MYO9B: variants seen among roughly 807,000 people sequenced by gnomAD.
The protein encoded by MYO9B is unconventional myosin-IXb.
In MYO9B, 71 loss-of-function variants were observed where a neutral mutation model predicts 229.5. The observed-to-expected ratio is 0.31, with a 90% CI of 0.26 to 0.38. The LOEUF (loss-of-function observed/expected upper bound fraction) is 0.38, where lower values mean the gene tolerates loss of function less well. MYO9B is among the 10% of genes least tolerant of loss of function. MYO9B has a pLI of 1.00. For synonymous variants in MYO9B, 1,185 were observed against 1,235.8 expected, an observed-to-expected ratio of 0.96 and a Z score of 0.86; for missense variants, 2,255 against 2,920.5, an observed-to-expected ratio of 0.77 and a Z score of 5.25.
In MYO9B at chr19:17,193,114, C is replaced by A; in HGVS notation, c.3128+52C>A. 7.1e-6 allele frequency: 10 copies of A among 1,417,100 alleles called. No homozygotes were observed. Among genetic ancestry groups the A allele is most frequent in the Non-Finnish European group, 9.2e-6 (10 of 1,085,198 alleles). The allele number at this position is 1,417,100 out of a possible 1,614,324, so 87.8% of individuals were successfully genotyped here. A position where few individuals can be genotyped will look rare whatever the true frequency, so the allele number is the denominator to read the frequency against. On this transcript the variant is annotated intron_variant, in intron 21 of 39. Transcript: ENST00000682292. This position sits in a 1 kb window ranked among gnomAD's most constrained non-coding sequence, Gnocchi z 4.3. Reference sequence around the variant, plus strand: ...GGAATATTCCAGAAGCCAAAAAGGTCACTCACCAAATTGCTGCCCGTGATA... The same window carrying A: ...GGAATATTCCAGAAGCCAAAAAGGTAACTCACCAAATTGCTGCCCGTGATA...
At chr19:17,110,197 G>A (rs1033865016) in intron 2 of MYO9B, among the ~76,000 whole-genome samples, 2 of 152,218 alleles carry the variant, frequency 1.3e-5, no homozygotes, top group African/African-American at 4.8e-5. Context: ...CCCCGCGAGG[G>A]TTGCAGCCTC....
intron 3 of MYO9B, among the ~76,000 whole-genome samples, chr19:17,148,827 G>A (rs553627585): frequency 1.0e-4 from 15 of 148,842 alleles, no homozygotes; most frequent in African/African-American, 3.0e-4. Context: ...CAAGTGATCC[G>A]CCTGCCTCGG....
intron 1 of MYO9B, among the ~76,000 whole-genome samples, chr19:17,081,590 C>G (rs1600011772): frequency 6.6e-6 from 1 of 151,938 alleles, no homozygotes; most frequent in African/African-American, 2.4e-5. Context: ...GGGAGGATCA[C>G]CTAAGGTCAG....
chr19:17,178,303 G>A (rs562445703), intron 14 of MYO9B: 2 of 152,318 alleles, frequency 1.3e-5, no homozygotes, highest in Middle Eastern at 6.8e-3. Context: ...GCTAAAACAT[G>A]TGCTTTGAAC....
chr19:17,128,473 A>G (rs2072152384), intron 2 of MYO9B, among the ~76,000 whole-genome samples: 1 of 152,176 alleles, frequency 6.6e-6, no homozygotes, highest in Admixed American at 6.5e-5. Flanking sequence ...CCCAGCTCCC[A>G]GTGGCTGCCC....
At chr19:17,086,461 G>A (rs1247855583) in intron 1 of MYO9B, among the ~76,000 whole-genome samples, 2 of 152,156 alleles carry the variant, frequency 1.3e-5, no homozygotes, top group African/African-American at 4.8e-5. Context: ...ACCTTGGCCC[G>A]GCTCGTATTG....
At chr19:17,148,155 G>A (rs1028593566) in intron 3 of MYO9B, among the ~76,000 whole-genome samples, 4 of 152,156 alleles carry the variant, frequency 2.6e-5, no homozygotes, top group Admixed American at 6.6e-5. Flanking sequence ...TGACCCACAG[G>A]AAGCATTCAG....
chr19:17,207,807 T>C (rs1373986663), intron 35 of MYO9B: 2 of 152,100 alleles, frequency 1.3e-5, no homozygotes, highest in Non-Finnish European at 2.9e-5. Flanking sequence ...GGTCGGGAGT[T>C]CGAGACGAGC....
At chr19:17,164,663 T>A (rs1374367967) in intron 10 of MYO9B, among the ~76,000 whole-genome samples, 4 of 152,216 alleles carry the variant, frequency 2.6e-5, no homozygotes, top group Admixed American at 6.5e-5. Context: ...ATTATAGGCG[T>A]GAGCCACCGC....
At chr19:17,130,810 G>A (rs2072187246) in intron 2 of MYO9B, among the ~76,000 whole-genome samples, 1 of 151,820 alleles carries the variant, frequency 6.6e-6, no homozygotes, top group South Asian at 2.1e-4. Flanking sequence ...TGCCTACATA[G>A]GACGTTCAAC....
rs1182712399 is a variant in MYO9B, at chr19:17,200,320, T to C, written c.4266T>C (p.His1422=). Residue 1422 remains histidine (H), a synonymous_variant, in exon 25 of 40, where the codon CAT becomes CAC. Transcript: ENST00000682292. ...CCACGTTTAAGAGGCTTTTTCTGCATAAAACCAAGGATAAAAAATACAGCC... is the reference window on the plus strand; with the variant it reads ...CCACGTTTAAGAGGCTTTTTCTGCACAAAACCAAGGATAAAAAATACAGCC... ...SKSTFKRLFL[H]KTKDKKYSLE... 1.2e-6 allele frequency: 2 copies of C among 1,613,148 alleles called. No homozygotes were observed. Among genetic ancestry groups the C allele is most frequent in the Non-Finnish European group, 8.5e-7 (1 of 1,179,724 alleles).
At chr19:17,083,612 A>G (rs1218060042) in intron 1 of MYO9B, among the ~76,000 whole-genome samples, 3 of 150,016 alleles carry the variant, frequency 2.0e-5, no homozygotes, top group African/African-American at 4.9e-5. Flanking sequence ...GTCTGTCATC[A>G]TCTGACTGAC....
At chr19:17,133,458 T>C (rs1400478825) in intron 2 of MYO9B, among the ~76,000 whole-genome samples, 2 of 152,092 alleles carry the variant, frequency 1.3e-5, no homozygotes, top group African/African-American at 4.8e-5. Flanking sequence ...TATTCTACTT[T>C]CTACTTCCGT....
chr19:17,167,848 G>A lies in MYO9B; in HGVS notation c.1672-95G>A, dbSNP rs113842254. On this transcript the variant is annotated intron_variant, in intron 10 of 39. Coordinates refer to ENST00000682292, the MANE Select transcript of MYO9B (RefSeq NM_004145.4). Reference sequence around the variant, plus strand: ...CTATTTTGAAGCATTTCAGATTTTCGGATTAGGGATACTCGACCTGTATGC... The same window carrying A: ...CTATTTTGAAGCATTTCAGATTTTCAGATTAGGGATACTCGACCTGTATGC... The A allele has an allele frequency of 2.5e-4, 360 of 1,453,006 alleles. No homozygotes were observed. In the African/African-American group the frequency reaches 4.3e-3, roughly 17 times the overall value. The allele number at this position is 1,453,006 out of a possible 1,614,324, so 90.0% of individuals were successfully genotyped here.
At position 17,185,059 on chromosome 19, in the gene MYO9B, G is replaced by A. The variant is rs2072902414; in HGVS notation, c.2496+72G>A. 3.2e-5 allele frequency: 51 copies of A among 1,602,384 alleles called. No individual in the cohort carries two copies. The South Asian group carries it at 3.9e-4, about 12-fold the overall frequency. The stretch of plus-strand genomic sequence containing the variant: ...GGCTTGTGTAGCTTCACCCGACACC[G>A]AGCACAGCCCGTCTCTAGTAAAAAT... On this transcript the variant is annotated intron_variant, in intron 17 of 39. Coordinates refer to ENST00000682292, the MANE Select transcript of MYO9B (RefSeq NM_004145.4).
chr19:17,102,723 A>AG, intron 2 of MYO9B, among the ~76,000 whole-genome samples, 166 bp downstream of exon 2: 1 of 150,672 alleles, frequency 6.6e-6, no homozygotes, highest in South Asian at 2.1e-4. Flanking sequence ...CAACATAGCA[A>AG]GATCTTTTCT....
At chr19:17,140,177 C>G (rs1010229811) in intron 2 of MYO9B, among the ~76,000 whole-genome samples, 4 of 152,142 alleles carry the variant, frequency 2.6e-5, no homozygotes, top group Admixed American at 6.6e-5. Context: ...TGTGGTCCAT[C>G]GTTGATGGTC....
intron 14 of MYO9B, among the ~76,000 whole-genome samples, chr19:17,180,322 G>T (rs1015967225): frequency 6.6e-5 from 10 of 150,474 alleles, no homozygotes; most frequent in Non-Finnish European, 1.2e-4. Flanking sequence ...GAATAAAGTG[G>T]AATGACCAGA....
At position 17,193,587 on chromosome 19, in the gene MYO9B, AG is replaced by A. The variant is rs1265287197; in HGVS notation, c.3128+526del. ...AGCAGGCCCTACCCACACATGCAAA[AG>A]CCTCCTAGGCCAGGTGCAATGGCTC... On this transcript the variant is annotated intron_variant, in intron 21 of 39. Transcript: ENST00000682292. This position sits in a 1 kb window ranked among gnomAD's most constrained non-coding sequence, Gnocchi z 4.3. 1.3e-5 allele frequency among the ~76,000 whole-genome samples: 2 copies of A among 152,134 alleles called. No homozygotes were observed. The highest frequency in any genetic ancestry group is 4.8e-5 in the African/African-American group (2 of 41,432).
Sources: allele counts gnomAD v4.1 joint callset (sites outside exome capture counted in the v4.1 genomes callset), GRCh38; gene constraint gnomAD v4.1.1; non-coding constraint Gnocchi (gnomAD v3.1); transcripts MANE v1.5; gene names NCBI Gene and HGNC (gene_info 2026-07-23, HGNC 2026-07-21).